The following CNTNAP2 variants were observed in gnomAD, a reference collection of about 807,000 sequenced individuals.
CNTNAP2 encodes the protein contactin associated protein 2, also known as contactin-associated protein-like 2.
In CNTNAP2, 98 loss-of-function variants were observed where a neutral mutation model predicts 155.2. The observed-to-expected ratio is 0.63, with a 90% confidence interval of 0.54 to 0.75. CNTNAP2 has a LOEUF of 0.75. Among genes scored for constraint, CNTNAP2 ranks in the 30% least tolerant of loss-of-function variants. The pLI, the probability that CNTNAP2 is intolerant of heterozygous loss-of-function variation, is 0.00. For missense variants in CNTNAP2, 1,727 were observed against 1,688.1 expected (o/e 1.02, Z -0.40); for synonymous variants, 651 against 631.2 (o/e 1.03, Z -0.47).
At chr7:146,203,136 C>A (rs1353254556) in intron 1 of CNTNAP2, among the ~76,000 whole-genome samples, 2 of 152,184 alleles carry the variant, frequency 1.3e-5, no homozygotes, top group Non-Finnish European at 2.9e-5. Context: ...GGTTTTCCCA[C>A]ACACATCAAG....
At chr7:146,550,328 TA>T (rs1199902830) in intron 1 of CNTNAP2, among the ~76,000 whole-genome samples, 2 of 149,312 alleles carry the variant, frequency 1.3e-5, no homozygotes. Flanking sequence ...GGAGAGCTTT[TA>T]AAATATAGAT....
intron 13 of CNTNAP2, among the ~76,000 whole-genome samples, chr7:147,678,663 A>G (rs371665639): frequency 6.6e-6 from 1 of 152,062 alleles, no homozygotes; most frequent in Non-Finnish European, 1.5e-5. Flanking sequence ...TACACATTAT[A>G]ATTTGCATTT....
chr7:146,250,344 G>C (rs576002881), intron 1 of CNTNAP2, among the ~76,000 whole-genome samples: 1 of 152,152 alleles, frequency 6.6e-6, no homozygotes, highest in Admixed American at 6.5e-5. Context: ...TGGTTCAACC[G>C]AAGTGTTGCT....
At chr7:147,458,477 G>C (rs532178512) in intron 10 of CNTNAP2, among the ~76,000 whole-genome samples, 3 of 152,232 alleles carry the variant, frequency 2.0e-5, no homozygotes, top group African/African-American at 7.2e-5. Context: ...CCTTTCATCA[G>C]TGAAAATGAA....
intron 21 of CNTNAP2, among the ~76,000 whole-genome samples, chr7:148,382,493 CAA>C (rs35654486): frequency 0.71 from 108,354 of 151,762 alleles, 39,830 homozygotes; most frequent in Admixed American, 0.8. Flanking sequence ...GCGGGAGTCA[CAA>C]GTTTTCTACC....
At chr7:146,428,465 T>C (rs1045927325) in intron 1 of CNTNAP2, among the ~76,000 whole-genome samples, 3 of 152,158 alleles carry the variant, frequency 2.0e-5, no homozygotes, top group Non-Finnish European at 2.9e-5. Flanking sequence ...TGGTGTCTCA[T>C]TGTGGTTTTG....
chr7:147,913,311 C>T (rs577936492), intron 14 of CNTNAP2, among the ~76,000 whole-genome samples: 1 of 152,180 alleles, frequency 6.6e-6, no homozygotes, highest in South Asian at 2.1e-4. Flanking sequence ...TAATTCCTGC[C>T]CCCAAATTCA....
chr7:146,641,122 C>G (rs899101032), intron 1 of CNTNAP2, among the ~76,000 whole-genome samples: 34 of 152,056 alleles, frequency 2.2e-4, no homozygotes, highest in African/African-American at 8.2e-4. Flanking sequence ...GTCAGGAGAT[C>G]GAGGCCATCC....
intron 1 of CNTNAP2, among the ~76,000 whole-genome samples, chr7:146,207,258 A>T (rs188218770): frequency 6.6e-6 from 1 of 152,142 alleles, no homozygotes; most frequent in East Asian, 1.9e-4. Context: ...GCATAGTAGA[A>T]TGTATCATGC....
At chr7:147,772,408 A>T (rs851676) in intron 13 of CNTNAP2, among the ~76,000 whole-genome samples, 27,743 of 133,022 alleles carry the variant, frequency 0.21, 3,283 homozygotes, top group Middle Eastern at 0.35. Flanking sequence ...TAAAAAAAAA[A>T]ATATATATAT....
At chr7:147,888,576 C>T (rs964782488) in intron 13 of CNTNAP2, among the ~76,000 whole-genome samples, 4 of 151,344 alleles carry the variant, frequency 2.6e-5, no homozygotes, top group African/African-American at 9.7e-5. Context: ...AAAAAACATG[C>T]AAATTAAGAT....
intron 9 of CNTNAP2, among the ~76,000 whole-genome samples, chr7:147,320,069 A>G (rs1795320175): frequency 6.6e-6 from 1 of 152,166 alleles, no homozygotes; most frequent in Non-Finnish European, 1.5e-5. Context: ...GATTGCATCT[A>G]GCATGCAACC....
At chr7:146,666,535 ATAT>A (rs1427678599) in intron 1 of CNTNAP2, among the ~76,000 whole-genome samples, 2 of 152,120 alleles carry the variant, frequency 1.3e-5, no homozygotes, top group African/African-American at 4.8e-5. Context: ...TTGCTGGATC[ATAT>A]TATAGTTCTA....
At chr7:148,124,274 G>A (rs1003075358) in intron 16 of CNTNAP2, among the ~76,000 whole-genome samples, 4 of 152,074 alleles carry the variant, frequency 2.6e-5, no homozygotes, top group Admixed American at 2.0e-4. Flanking sequence ...GTGTGTGGAC[G>A]TTTGTTTGTT....
chr7:146,717,236 T>G (rs971511160), intron 1 of CNTNAP2, among the ~76,000 whole-genome samples: 18 of 152,078 alleles, frequency 1.2e-4, no homozygotes, highest in East Asian at 1.9e-4. Context: ...ATAATCTCAC[T>G]TTCAGATTTA....
intron 2 of CNTNAP2, among the ~76,000 whole-genome samples, chr7:146,809,034 G>T (rs1803017818): frequency 6.6e-6 from 1 of 152,146 alleles, no homozygotes; most frequent in Non-Finnish European, 1.5e-5. Flanking sequence ...GCATAAAAAT[G>T]CAGATATCCC....
At chr7:147,360,267 G>A (rs1796125393) in intron 9 of CNTNAP2, among the ~76,000 whole-genome samples, 1 of 152,016 alleles carries the variant, frequency 6.6e-6, no homozygotes, top group South Asian at 2.1e-4. Context: ...GTTCAGCAAT[G>A]ATATCTAGTC....
At chr7:148,137,732 G>GGAAT (rs1449565087) in intron 16 of CNTNAP2, among the ~76,000 whole-genome samples, 1 of 140,430 alleles carries the variant, frequency 7.1e-6, no homozygotes, top group African/African-American at 2.8e-5. Flanking sequence ...AAGGAAGGAA[G>GGAAT]GAAGGTTCTC....
At chr7:147,249,115 G>T (rs934998498) in intron 8 of CNTNAP2, among the ~76,000 whole-genome samples, 2 of 152,184 alleles carry the variant, frequency 1.3e-5, no homozygotes, top group Non-Finnish European at 2.9e-5. Flanking sequence ...AATATAGCTT[G>T]TATAGGGTTA....
Sources: gnomAD v4.1 joint callset for allele counts (sites outside exome capture counted in the v4.1 genomes callset) on GRCh38, gnomAD v4.1.1 for gene constraint, MANE v1.5 for transcripts, NCBI Gene and HGNC (gene_info 2026-07-23, HGNC 2026-07-21) for gene names.